EPS8L2: variants seen among roughly 807,000 people sequenced by gnomAD.
EPS8L2 encodes the protein epidermal growth factor receptor kinase substrate 8-like protein 2.
Under a neutral mutation model 99.4 loss-of-function variants are expected in EPS8L2, and 81 were observed. The observed-to-expected ratio is 0.82, with a 90% CI of 0.68 to 0.98. EPS8L2 has a LOEUF of 0.98. Ranked by LOEUF, EPS8L2 falls within the 50% of genes least tolerant of loss-of-function variation. The pLI, the probability that EPS8L2 is intolerant of heterozygous loss-of-function variation, is 0.00. For missense variants in EPS8L2, 1,155 were observed against 968.8 expected (o/e 1.19, Z -2.55); for synonymous variants, 509 against 407.3 (o/e 1.25, Z -3.01).
At chr11:716,676 T>C (rs1438648264) in intron 4 of EPS8L2, among the ~76,000 whole-genome samples, 2 of 152,272 alleles carry the variant, frequency 1.3e-5, no homozygotes, top group African/African-American at 4.8e-5. Flanking sequence ...CAGAATGCTT[T>C]CTAGTTTTCT....
In EPS8L2 at chr11:722,463, A is replaced by C. The variant is rs1862206880; in HGVS notation, c.1122A>C (p.Arg374=). Reference sequence around the variant, plus strand: ...CCGTCTCCTGCCCACTGCTCTCCCGAGATGCCGTGGACTTCCTGCGCGGCC... The same window carrying C: ...CCGTCTCCTGCCCACTGCTCTCCCGCGATGCCGTGGACTTCCTGCGCGGCC... ...ARSVSCPLLS[R]DAVDFLRGHL... Residue 374 remains arginine (R), a synonymous_variant, in exon 13 of 21, where the codon CGA becomes CGC. Coordinates refer to ENST00000318562, the MANE Select transcript of EPS8L2 (RefSeq NM_022772.4). 1 of 1,613,450 alleles carries C rather than the reference A, an allele frequency of 6.2e-7. No homozygotes were observed. The highest frequency in any genetic ancestry group is 8.5e-7 in the Non-Finnish European group (1 of 1,179,910).
At position 720,214 on chromosome 11, in the gene EPS8L2, C is replaced by A; in HGVS notation, c.318C>A (p.Ile106=). The change falls in exon 5 of 21, where the codon ATC becomes ATA. Residue 106 remains isoleucine (I), a synonymous_variant. Transcript: ENST00000318562. ...ACCAGTCGCTGCGGCTGCTGGACAT[C>A]GAGTCACAGGTGGGGCCCAGCGCCA... ...VNDQSLRLLD[I]ESQEELEDFP... is the part of the protein sequence containing the mutation. 1 of 1,612,926 alleles carries A rather than the reference C, an allele frequency of 6.2e-7. No homozygotes were observed. Among genetic ancestry groups the A allele is most frequent in the African/African-American group, 1.3e-5 (1 of 75,030 alleles).
intron 19 of EPS8L2, 31 bp from the exon 20 acceptor site, chr11:726,588 G>A: frequency 6.5e-7 from 1 of 1,533,956 alleles, no homozygotes; most frequent in Non-Finnish European, 8.8e-7. Context: ...CGCTCACAGC[G>A]CGGCCCTGAC....
At chr11:719,427 G>A (rs1440615875) in intron 4 of EPS8L2, among the ~76,000 whole-genome samples, 12 of 152,244 alleles carry the variant, frequency 7.9e-5, no homozygotes, top group African/African-American at 2.9e-4. Flanking sequence ...GAGGGGGCCT[G>A]AGCCAGGCCT....
At chr11:721,009 A>AGGGGAGGAGGCGGCAGGGGAG (rs1376795330) in intron 7 of EPS8L2, 55 bp from the exon 8 acceptor site, 1 of 873,910 alleles carries the variant, frequency 1.1e-6, no homozygotes, top group Admixed American at 3.4e-5. Flanking sequence ...CCCGGCAGGG[A>AGGGGAGGAGGCGGCAGGGGAG]GGGAGGGTCA....
At chr11:720,303 G>T (rs1232406444) in intron 5 of EPS8L2, 80 bp downstream of exon 5, 61 of 1,485,578 alleles carry the variant, frequency 4.1e-5, no homozygotes, top group Non-Finnish European at 5.5e-5. Flanking sequence ...CGGATGTGCG[G>T]CCGGTCCTCT....
rs762870818 is a variant in EPS8L2 at position 722,710 on chromosome 11, G to A, written c.1246G>A (p.Val416Met). 32 of 1,609,062 alleles carry A rather than the reference G, an allele frequency of 2.0e-5. No homozygotes were observed. Among genetic ancestry groups the A allele is most frequent in the Non-Finnish European group, 2.5e-5 (29 of 1,178,394 alleles). Residue 416 changes from valine to methionine, a missense_variant, in exon 14 of 21, where the codon GTG (valine) becomes ATG (methionine). Val to Met is a conservative substitution (Grantham distance 21, BLOSUM62 1). Transcript: ENST00000318562. ...WPREPQVPLY[V>M]PKFHSGWEPP... ...GCGGGAGCCACAGGTGCCCCTCTAC[G>A]TGCCCAAGTTCCACAGCGGCTGGGA... is the stretch of plus-strand genomic sequence containing the variant.
intron 15 of EPS8L2, 141 bp downstream of exon 15, chr11:723,494 C>G: frequency 2.3e-6 from 1 of 441,462 alleles, no homozygotes; most frequent in Admixed American, 4.2e-5. Context: ...AGATTTGAAG[C>G]GGTTTTCATT....
rs549399162 is a variant in EPS8L2, at chr11:726,982, G to T, written c.*1G>T. On this transcript the variant is annotated 3_prime_UTR_variant, in exon 21 of 21. Coordinates refer to ENST00000318562, the MANE Select transcript of EPS8L2 (RefSeq NM_022772.4). The stretch of plus-strand genomic sequence containing the variant: ...TCAGAGGAGGGGGGAGGACAGCTAG[G>T]CCCAGCTGCCTTGGGCTGGGGCCTG... 2 of 1,611,294 alleles carry T rather than the reference G, an allele frequency of 1.2e-6. No homozygotes were observed. The highest frequency in any genetic ancestry group is 3.3e-5 in the Admixed American group (2 of 59,932).
chr11:727,057 A>T lies in EPS8L2; in HGVS notation c.*76A>T. 1 of 1,049,866 alleles carries T rather than the reference A, an allele frequency of 9.5e-7. No homozygotes were observed. The highest frequency in any genetic ancestry group is 1.4e-6 in the Non-Finnish European group (1 of 699,368). The allele number at this position is 1,049,866 out of a possible 1,614,324, so 65.0% of individuals were successfully genotyped here. ...CATGGAGTATTATTTTTATATGTGT[A>T]TGTATTTTGTATCAAGGACACGGAG... On this transcript the variant is annotated 3_prime_UTR_variant, in exon 21 of 21. Transcript: ENST00000318562.
At chr11:725,607 G>T in intron 16 of EPS8L2, 121 bp from the exon 17 acceptor site, 1 of 952,032 alleles carries the variant, frequency 1.1e-6, no homozygotes, top group Non-Finnish European at 1.4e-6. Flanking sequence ...CGGAGAGAAT[G>T]GAGCGAAGCG....
At chr11:710,754 GA>G (rs1861868138) in intron 4 of EPS8L2, among the ~76,000 whole-genome samples, 6 of 152,110 alleles carry the variant, frequency 3.9e-5, no homozygotes, top group South Asian at 2.1e-4. Flanking sequence ...AAGAGAGAAA[GA>G]GAGAAAGAGA....
Position 725,867 on chromosome 11 carries a change from T to C in EPS8L2, c.1680+20T>C. ...GAGCAGGTGAGCCCGCGGGGGTCCC[T>C]GGGGTCGCAGCCCCCAGCTTCCTGG... On this transcript the variant is annotated intron_variant, in intron 17 of 20. Transcript: ENST00000318562. 7.4e-7 allele frequency: 1 copy of C among 1,344,924 alleles called. No homozygotes were observed. Among genetic ancestry groups the C allele is most frequent in the Non-Finnish European group, 9.5e-7 (1 of 1,052,166 alleles). 83.3% of individuals were successfully genotyped at this position (1,344,924 alleles called of 1,614,324 possible).
intron 3 of EPS8L2, 84 bp from the exon 4 acceptor site, chr11:710,338 C>A: frequency 7.3e-7 from 1 of 1,361,952 alleles, no homozygotes; most frequent in Non-Finnish European, 1.1e-6. Flanking sequence ...CTTGACTCCA[C>A]CTTCCCTTGT....
In EPS8L2 at chr11:725,620, G is replaced by A. The variant is rs895529404; in HGVS notation, c.1561-108G>A. ...TGCGGAGAGAATGGAGCGAAGCGGG[G>A]CTCCGGGAGACCCTAGGGCGCTCCC... is the stretch of plus-strand genomic sequence containing the variant. On this transcript the variant is annotated intron_variant, in intron 16 of 20. Coordinates refer to ENST00000318562, the MANE Select transcript of EPS8L2 (RefSeq NM_022772.4). The A allele has an allele frequency of 5.6e-6, 6 of 1,071,714 alleles. No individual in the cohort carries two copies. In the Admixed American group the frequency reaches 1.7e-4, roughly 30 times the overall value. The allele number at this position is 1,071,714 out of a possible 1,614,324, so 66.4% of individuals were successfully genotyped here. A position where few individuals can be genotyped will look rare whatever the true frequency, so the allele number is the denominator to read the frequency against.
intron 3 of EPS8L2, chr11:709,988 C>G: frequency 2.5e-6 from 1 of 398,240 alleles, no homozygotes; most frequent in South Asian, 2.7e-5. Flanking sequence ...CCTGCCCTCT[C>G]GCTAGCTAGA....
chr11:720,990 G>A (rs1183134872), intron 7 of EPS8L2, 74 bp from the exon 8 acceptor site: 4 of 1,466,650 alleles, frequency 2.7e-6, no homozygotes, highest in Admixed American at 4.1e-5. Flanking sequence ...CGGCAGGGGA[G>A]GGGAGGAGCC....
chr11:724,862 G>C lies in EPS8L2; in HGVS notation c.1560+33G>C, dbSNP rs748351543. On this transcript the variant is annotated intron_variant, in intron 16 of 20. Coordinates refer to ENST00000318562, the MANE Select transcript of EPS8L2 (RefSeq NM_022772.4). The surrounding 1 kb of genome is among the most constrained non-coding windows in gnomAD (Gnocchi z 5.5). ...GCTGGAGGACGGGGTCCAAGAGGGG[G>C]AAACAGGGCAGGGCTTCAAGGGAGG... 1 of 1,514,952 alleles carries C rather than the reference G, an allele frequency of 6.6e-7. No homozygotes were observed. The highest frequency in any genetic ancestry group is 1.7e-5 in the Admixed American group (1 of 59,544). The allele number at this position is 1,514,952 out of a possible 1,614,324, so 93.8% of individuals were successfully genotyped here.
At chr11:707,468 C>G (rs1435815042) in intron 1 of EPS8L2, among the ~76,000 whole-genome samples, 1 of 152,160 alleles carries the variant, frequency 6.6e-6, no homozygotes, top group Admixed American at 6.5e-5. Context: ...CCTGCTGGGA[C>G]CTCCTCCCCT....
Sources: gnomAD v4.1 joint callset for allele counts (sites outside exome capture counted in the v4.1 genomes callset) on GRCh38, gnomAD v4.1.1 for gene constraint, Gnocchi (gnomAD v3.1) non-coding constraint, MANE v1.5 for transcripts, NCBI Gene and HGNC (gene_info 2026-07-23, HGNC 2026-07-21) for gene names.